ADAM12: variants seen among roughly 807,000 people sequenced by gnomAD.
ADAM12 encodes the protein ADAM metallopeptidase domain 12.
Under a neutral mutation model 106.4 loss-of-function variants are expected in ADAM12, and 70 were observed. That is an observed-to-expected ratio of 0.66 (90% CI 0.54 to 0.80). ADAM12 has a LOEUF of 0.80. Among genes scored for constraint, ADAM12 ranks in the 30% least tolerant of loss-of-function variants. The pLI is 0.00. For synonymous variants in ADAM12, 420 were observed against 433.5 expected, an observed-to-expected ratio of 0.97 and a Z score of 0.39; for missense variants, 1,010 against 1,171.9, an observed-to-expected ratio of 0.86 and a Z score of 2.02.
chr10:126,230,561 G>A (rs1190078801), intron 3 of ADAM12, among the ~76,000 whole-genome samples: 2 of 152,144 alleles, frequency 1.3e-5, no homozygotes, highest in Admixed American at 6.5e-5. Flanking sequence ...CATCAACACC[G>A]AATTGTAGTT....
In ADAM12 at chr10:126,064,401, C is replaced by T. The variant is rs900926908; in HGVS notation, c.1609+405G>A. Among the ~76,000 whole-genome samples, 3 of 152,184 alleles carry T rather than the reference C, an allele frequency of 2.0e-5. No homozygotes were observed. Among genetic ancestry groups the T allele is most frequent in the Non-Finnish European group, 2.9e-5 (2 of 68,030 alleles). On this transcript the variant is annotated intron_variant, in intron 14 of 22. Transcript: ENST00000448723. The surrounding 1 kb of genome is among the most constrained non-coding windows in gnomAD (Gnocchi z 4.4). The stretch of plus-strand genomic sequence containing the variant: ...AAAGTTCTGTCTGTCTGTCCAACTA[C>T]GTGCTATGCTATCTGAGGGCAGGAG...
intron 2 of ADAM12, among the ~76,000 whole-genome samples, chr10:126,324,051 G>A (rs1282368923): frequency 6.6e-6 from 1 of 152,226 alleles, no homozygotes; most frequent in East Asian, 1.9e-4. Flanking sequence ...GGGACCCAAG[G>A]GGATGTGATC....
intron 3 of ADAM12, among the ~76,000 whole-genome samples, chr10:126,205,809 C>T (rs763249265): frequency 3.4e-4 from 52 of 152,158 alleles, no homozygotes; most frequent in Non-Finnish European, 4.3e-4. Flanking sequence ...AAAGACTGAT[C>T]GGTATATCCT....
At chr10:126,041,780 C>T (rs1954176945) in intron 18 of ADAM12, 3 of 1,091,358 alleles carry the variant, frequency 2.7e-6, no homozygotes, top group East Asian at 1.3e-4. Flanking sequence ...GCTTCTCCCC[C>T]ACTGCTGTGG....
intron 3 of ADAM12, among the ~76,000 whole-genome samples, chr10:126,207,980 T>C (rs549347354): frequency 6.6e-6 from 1 of 152,368 alleles, no homozygotes; most frequent in African/African-American, 2.4e-5. Context: ...AATTTTTTTC[T>C]GATAATGTAC....
intron 11 of ADAM12, among the ~76,000 whole-genome samples, chr10:126,091,220 T>C (rs984900953): frequency 6.6e-6 from 1 of 152,254 alleles, no homozygotes; most frequent in African/African-American, 2.4e-5. Context: ...CTTTGTGGAA[T>C]GATTTACAAT....
At chr10:126,185,631 A>G (rs1299389212) in intron 3 of ADAM12, among the ~76,000 whole-genome samples, 1 of 152,124 alleles carries the variant, frequency 6.6e-6, no homozygotes, top group Non-Finnish European at 1.5e-5. Flanking sequence ...GCAACAGTGC[A>G]TTTGGGGGAC....
At chr10:126,315,030 C>A (rs1270504431) in intron 2 of ADAM12, among the ~76,000 whole-genome samples, 1 of 152,126 alleles carries the variant, frequency 6.6e-6, no homozygotes, top group Non-Finnish European at 1.5e-5. Flanking sequence ...GTAAGCATGC[C>A]GCTCCAAGTC....
At chr10:126,289,259 C>T (rs1054339461) in intron 2 of ADAM12, among the ~76,000 whole-genome samples, 3 of 152,226 alleles carry the variant, frequency 2.0e-5, no homozygotes, top group Admixed American at 6.5e-5. Context: ...TCTGCTGCCC[C>T]GTGCCCTCTC....
At position 126,043,405 on chromosome 10, in the gene ADAM12, T is replaced by A. The variant is rs1954230455; in HGVS notation, c.1996-257A>T. On this transcript the variant is annotated intron_variant, in intron 17 of 22. Transcript: ENST00000448723. The surrounding 1 kb of genome is among the most constrained non-coding windows in gnomAD (Gnocchi z 4.1). The stretch of plus-strand genomic sequence containing the variant: ...ATGAAGATTATTTGGGTTCATCAGC[T>A]TGCCTCCCCCACCCACCTCACTTCC... Among the ~76,000 whole-genome samples, 1 of 152,180 alleles carries A rather than the reference T, an allele frequency of 6.6e-6. No individual in the cohort carries two copies. The highest frequency in any genetic ancestry group is 1.9e-4 in the East Asian group (1 of 5,174).
intron 1 of ADAM12, among the ~76,000 whole-genome samples, chr10:126,360,564 T>C (rs61863900): frequency 0.15 from 23,353 of 152,200 alleles, 2,137 homozygotes; most frequent in Middle Eastern, 0.28. Flanking sequence ...AATTCACCTT[T>C]ACTCTAGTTC....
At chr10:126,068,776 C>A (rs1294722218) in intron 12 of ADAM12, among the ~76,000 whole-genome samples, 1 of 152,100 alleles carries the variant, frequency 6.6e-6, no homozygotes, top group African/African-American at 2.4e-5. Flanking sequence ...TCCAACAGAG[C>A]CAATGAATAC....
intron 4 of ADAM12, among the ~76,000 whole-genome samples, chr10:126,152,436 T>C (rs541703798): frequency 2.0e-5 from 3 of 152,196 alleles, no homozygotes; most frequent in African/African-American, 7.2e-5. Flanking sequence ...ATATACAGTT[T>C]CAAAATTCTT....
At chr10:126,384,134 C>T (rs930026982) in intron 1 of ADAM12, among the ~76,000 whole-genome samples, 3 of 152,190 alleles carry the variant, frequency 2.0e-5, no homozygotes, top group African/African-American at 7.2e-5. Context: ...CAAAAGTCAA[C>T]ATCTACGTAT....
At chr10:126,358,733 T>C (rs772379775) in intron 1 of ADAM12, among the ~76,000 whole-genome samples, 5 of 152,148 alleles carry the variant, frequency 3.3e-5, no homozygotes, top group South Asian at 2.1e-4. Flanking sequence ...TGTTTCTTCA[T>C]GTTAAAAAAT....
intron 22 of ADAM12, among the ~76,000 whole-genome samples, chr10:126,018,310 C>T (rs1269040041): frequency 3.9e-5 from 6 of 152,204 alleles, no homozygotes; most frequent in Non-Finnish European, 7.3e-5. Flanking sequence ...GGGTTTAACT[C>T]ATCTGTGTGC....
chr10:126,046,192 A>G, intron 16 of ADAM12, 60 bp from the exon 17 acceptor site: 1 of 1,466,998 alleles, frequency 6.8e-7, no homozygotes, highest in Non-Finnish European at 9.6e-7. Context: ...TCCAGCATGC[A>G]TACATACCTG....
At chr10:126,387,924 GCAAGCCCCGGGGCTC>G in intron 1 of ADAM12, 119 bp downstream of exon 1, 1 of 1,092,436 alleles carries the variant, frequency 9.2e-7, no homozygotes, top group Non-Finnish European at 1.1e-6. Flanking sequence ...CGCTGGAAGC[GCAAGCCCCGGGGCTC>G]CGGAGATGCG....
intron 21 of ADAM12, among the ~76,000 whole-genome samples, chr10:126,026,436 T>C (rs1200655238): frequency 6.6e-6 from 1 of 152,146 alleles, no homozygotes; most frequent in Non-Finnish European, 1.5e-5. Flanking sequence ...GGATCTGTTA[T>C]ACAACTACAG....
Sources: allele counts gnomAD v4.1 joint callset (sites outside exome capture counted in the v4.1 genomes callset), GRCh38; gene constraint gnomAD v4.1.1; non-coding constraint Gnocchi (gnomAD v3.1); transcripts MANE v1.5; gene names NCBI Gene and HGNC (gene_info 2026-07-23, HGNC 2026-07-21).